The following ADAMTS20 variants were observed in gnomAD, a reference collection of about 807,000 sequenced individuals.
The protein encoded by ADAMTS20 is ADAM metallopeptidase with thrombospondin type 1 motif 20, also known as A disintegrin and metalloproteinase with thrombospondin motifs 20.
Under a neutral mutation model 260.1 loss-of-function variants are expected in ADAMTS20, and 225 were observed. That is an observed-to-expected ratio of 0.87 (90% CI 0.78 to 0.97). The LOEUF (loss-of-function observed/expected upper bound fraction) is 0.97. ADAMTS20 is among the 50% of genes least tolerant of loss of function. The pLI is 0.00. For missense variants in ADAMTS20, 2,400 were observed against 2,337.7 expected (o/e 1.03, Z -0.55); for synonymous variants, 802 against 769.5 (o/e 1.04, Z -0.70).
chr12:43,452,162 T>C, intron 14 of ADAMTS20, 112 bp downstream of exon 14: 1 of 1,129,190 alleles, frequency 8.9e-7, no homozygotes, highest in Non-Finnish European at 1.2e-6. Context: ...TTTGTTGGAA[T>C]GCATAAGAAC....
At chr12:43,478,473 G>T (rs1383489861) in intron 7 of ADAMTS20, among the ~76,000 whole-genome samples, 1 of 151,750 alleles carries the variant, frequency 6.6e-6, no homozygotes, top group Admixed American at 6.6e-5. Flanking sequence ...AAATTTGAAA[G>T]AAAAAAATGA....
intron 2 of ADAMTS20, among the ~76,000 whole-genome samples, chr12:43,534,967 G>T (rs1373737413): frequency 6.6e-6 from 1 of 151,840 alleles, no homozygotes; most frequent in South Asian, 2.1e-4. Context: ...CTCTACCTCT[G>T]CATCATCACA....
Position 43,464,706 on chromosome 12 carries a change from T to G in ADAMTS20, c.1394A>C (p.Asp465Ala). 1.9e-6 allele frequency: 3 copies of G among 1,613,178 alleles called. No homozygotes were observed. The highest frequency in any genetic ancestry group is 2.5e-6 in the Non-Finnish European group (3 of 1,179,384). ...LDTGYGECLLDKPDEEIYNLP... is the reference protein window; with the variant it reads ...LDTGYGECLLAKPDEEIYNLP... ...ATTATATATTTCTTCATCTGGTTTG[T>G]CAAGAAGACATTCCCCGTAACCAGT... is the stretch of plus-strand genomic sequence containing the variant. Residue 465 changes from aspartate to alanine, a missense_variant, in exon 10 of 39, where the codon GAC becomes GCC. Asp to Ala is a moderately radical substitution (Grantham distance 126). Transcript: ENST00000389420.
At chr12:43,488,189 G>A (rs1241580820) in intron 7 of ADAMTS20, among the ~76,000 whole-genome samples, 1 of 151,950 alleles carries the variant, frequency 6.6e-6, no homozygotes, top group Non-Finnish European at 1.5e-5. Context: ...GTAATGTTTA[G>A]ATGAAAACAA....
At position 43,375,153 on chromosome 12, in the gene ADAMTS20, T is replaced by C. The variant is rs892054754; in HGVS notation, c.5446+226A>G. 1.3e-4 allele frequency among the ~76,000 whole-genome samples: 14 copies of C among 111,302 alleles called. No homozygotes were observed. In the East Asian group the frequency reaches 2.5e-3, roughly 20 times the overall value. 73.0% of individuals were successfully genotyped at this position (111,302 alleles called of 152,430 possible). On this transcript the variant is annotated intron_variant, in intron 36 of 38. Transcript: ENST00000389420. ...TGCCATTGCACTCCAGCCTGGGCAG[T>C]AAGAGTGCAACTGCGTCTCAAAAAA...
chr12:43,505,919 T>C (rs1467698987), intron 3 of ADAMTS20, among the ~76,000 whole-genome samples: 1 of 152,104 alleles, frequency 6.6e-6, no homozygotes, highest in Non-Finnish European at 1.5e-5. Flanking sequence ...AAGGAATGAA[T>C]AAACAAAATG....
chr12:43,404,178 GACACAC>G (rs3031172), intron 28 of ADAMTS20, among the ~76,000 whole-genome samples: 2,745 of 145,916 alleles, frequency 0.019, 58 homozygotes, highest in East Asian at 0.081. Flanking sequence ...ATATTGTGGG[GACACAC>G]ACACACACAC....
intron 7 of ADAMTS20, among the ~76,000 whole-genome samples, chr12:43,481,073 T>C (rs1041193628): frequency 6.6e-6 from 1 of 152,300 alleles, no homozygotes; most frequent in East Asian, 1.9e-4. Context: ...AAAATGTATA[T>C]AATTATGATT....
At chr12:43,525,254 A>G (rs1199857760) in intron 3 of ADAMTS20, among the ~76,000 whole-genome samples, 1 of 152,244 alleles carries the variant, frequency 6.6e-6, no homozygotes, top group Non-Finnish European at 1.5e-5. Flanking sequence ...GACAACTGTC[A>G]GTTAACAATT....
At chr12:43,479,133 T>G (rs767689185) in intron 7 of ADAMTS20, among the ~76,000 whole-genome samples, 8 of 152,182 alleles carry the variant, frequency 5.3e-5, no homozygotes, top group Middle Eastern at 3.2e-3. Context: ...CAACTCTATT[T>G]TTTCTTTAAA....
rs1941894488 is a variant in ADAMTS20, at chr12:43,452,764, T to C, written c.1761-69A>G. 3 of 1,353,576 alleles carry C rather than the reference T, an allele frequency of 2.2e-6. No individual in the cohort carries two copies. The East Asian group carries it at 7.5e-5, about 34-fold the overall frequency. The allele number at this position is 1,353,576 out of a possible 1,614,324, so 83.8% of individuals were successfully genotyped here. A position where few individuals can be genotyped will look rare whatever the true frequency, so the allele number is the denominator to read the frequency against. ...ATTTGTGCCACTTACTTCTAAAAGT[T>C]CCATTCTTTTCCAGGATCTAGAAAA... On this transcript the variant is annotated intron_variant, in intron 12 of 38. Transcript: ENST00000389420.
intron 36 of ADAMTS20, among the ~76,000 whole-genome samples, chr12:43,370,885 C>G (rs1280129270): frequency 6.6e-6 from 1 of 152,166 alleles, no homozygotes. Context: ...GGTATCCTAA[C>G]CCATGTTCCC....
At chr12:43,417,533 C>A (rs1179894870) in intron 28 of ADAMTS20, among the ~76,000 whole-genome samples, 1 of 152,086 alleles carries the variant, frequency 6.6e-6, no homozygotes, top group African/African-American at 2.4e-5. Context: ...GGATTACAAC[C>A]AGGAAGCGGT....
intron 18 of ADAMTS20, among the ~76,000 whole-genome samples, chr12:43,438,667 G>A (rs1208839175): frequency 6.6e-6 from 1 of 152,078 alleles, no homozygotes; most frequent in African/African-American, 2.4e-5. Context: ...ACCACCTTTG[G>A]TCACCGCCTC....
chr12:43,494,784 T>C lies in ADAMTS20; in HGVS notation c.868-1531A>G, dbSNP rs556441800. Among the ~76,000 whole-genome samples, 4 of 152,180 alleles carry C rather than the reference T, an allele frequency of 2.6e-5. No individual in the cohort carries two copies. In the South Asian group the frequency reaches 8.3e-4, roughly 32 times the overall value. On this transcript the variant is annotated intron_variant, in intron 4 of 38. Coordinates refer to ENST00000389420, the MANE Select transcript of ADAMTS20 (RefSeq NM_025003.5). ...GCAATGTTTTAAAATACATCTACCA[T>C]GGAGAAAAAAAAAGCACACCTGTAA...
intron 37 of ADAMTS20, among the ~76,000 whole-genome samples, chr12:43,357,496 CAAAT>C (rs1192454249): frequency 2.0e-5 from 3 of 152,068 alleles, no homozygotes; most frequent in Admixed American, 6.6e-5. Flanking sequence ...ATTGCTAAAA[CAAAT>C]AGATATCAAT....
At chr12:43,526,413 G>A (rs140759199) in intron 3 of ADAMTS20, among the ~76,000 whole-genome samples, 4,669 of 152,174 alleles carry the variant, frequency 0.031, 90 homozygotes, top group East Asian at 0.08. Flanking sequence ...AGCCGAGATC[G>A]TGCCACTGCA....
chr12:43,374,533 T>C (rs1940179600), intron 36 of ADAMTS20, among the ~76,000 whole-genome samples: 1 of 152,204 alleles, frequency 6.6e-6, no homozygotes, highest in African/African-American at 2.4e-5. Flanking sequence ...GTATGATCTA[T>C]AATCTAAGGT....
At position 43,551,626 on chromosome 12, in the gene ADAMTS20, G is replaced by A. The variant is rs1321994404; in HGVS notation, c.91+205C>T. 5.3e-5 allele frequency among the ~76,000 whole-genome samples: 8 copies of A among 152,300 alleles called. No individual in the cohort carries two copies. Among genetic ancestry groups the A allele is most frequent in the South Asian group, 2.1e-4 (1 of 4,826 alleles). On this transcript the variant is annotated intron_variant, in intron 1 of 38. Coordinates refer to ENST00000389420, the MANE Select transcript of ADAMTS20 (RefSeq NM_025003.5). This position sits in a 1 kb window ranked among gnomAD's most constrained non-coding sequence, Gnocchi z 4.6. ...CTTGCGCCCCCGCCGTGTGGTCCTG[G>A]GAGTGCGATGCGTCTTAGGCGCGCG...
Sources: allele counts gnomAD v4.1 joint callset (sites outside exome capture counted in the v4.1 genomes callset), GRCh38; gene constraint gnomAD v4.1.1; non-coding constraint Gnocchi (gnomAD v3.1); transcripts MANE v1.5; gene names NCBI Gene and HGNC (gene_info 2026-07-23, HGNC 2026-07-21).